The following AMZ2 variants were observed in gnomAD, a reference collection of about 807,000 sequenced individuals.
AMZ2 encodes archaemetzincin-2.
Under a neutral mutation model 36.7 loss-of-function variants are expected in AMZ2, and 26 were observed. The observed-to-expected ratio is 0.71, with a 90% CI of 0.52 to 0.98. The LOEUF is 0.98. AMZ2 is among the 50% of genes least tolerant of loss of function. AMZ2 has a pLI of 0.00. For synonymous variants in AMZ2, 144 were observed against 149.1 expected (o/e 0.97, Z 0.25); for missense variants, 394 against 430.5 (o/e 0.92, Z 0.75).
chr17:68,208,699 C>G (rs2072921365), intron 1 of AMZ2, among the ~76,000 whole-genome samples: 1 of 152,208 alleles, frequency 6.6e-6, no homozygotes, highest in African/African-American at 2.4e-5. Flanking sequence ...TGGGTCCACA[C>G]TGCCTTTACG....
rs61007874 is a variant in AMZ2, at chr17:68,235,343, A to G, written c.-66-13297A>G. Among the ~76,000 whole-genome samples, 9,144 of 152,264 alleles carry G rather than the reference A, an allele frequency of 0.06. 485 individuals are homozygous for G. The highest frequency in any genetic ancestry group is 0.13 in the Admixed American group (2,023 of 15,300). ...AAGGAGCTGTTCCCATGTCTTATTT[A>G]ATTCTCTCATTAAGCCTGTGGGCCA... On this transcript the variant is annotated intron_variant, in intron 1 of 7. Coordinates refer to the AMZ2 transcript ENST00000674770. This position sits in a 1 kb window ranked among gnomAD's most constrained non-coding sequence, Gnocchi z 4.2.
chr17:68,211,772 ATATG>A (rs1171978964), intron 1 of AMZ2, among the ~76,000 whole-genome samples: 5 of 123,964 alleles, frequency 4.0e-5, no homozygotes, highest in Non-Finnish European at 7.8e-5. Context: ...ATATATGTGT[ATATG>A]TATATATGTA....
chr17:68,223,753 T>G (rs1428065520), intron 1 of AMZ2, among the ~76,000 whole-genome samples: 1 of 151,958 alleles, frequency 6.6e-6, no homozygotes, highest in Non-Finnish European at 1.5e-5. Context: ...TCACGCTCTG[T>G]CACCCAGGCT....
chr17:68,231,224 C>T (rs1237550852), intron 1 of AMZ2, among the ~76,000 whole-genome samples: 2 of 151,912 alleles, frequency 1.3e-5, no homozygotes, highest in African/African-American at 2.4e-5. Flanking sequence ...CCACCACGCT[C>T]GGCTAATTTT....
chr17:68,222,938 G>C (rs529616206), intron 1 of AMZ2, among the ~76,000 whole-genome samples: 1 of 152,140 alleles, frequency 6.6e-6, no homozygotes, highest in East Asian at 1.9e-4. Context: ...TGACTTCCTA[G>C]AGTCAGGAGA....
At chr17:68,253,214 C>T (rs557982403) in intron 4 of AMZ2, among the ~76,000 whole-genome samples, 1 of 152,314 alleles carries the variant, frequency 6.6e-6, no homozygotes, top group South Asian at 2.1e-4. Context: ...TTAGTGTGCT[C>T]TTAATTTCCA....
In AMZ2 at chr17:68,250,896, C is replaced by T; in HGVS notation, c.386C>T (p.Pro129Leu). Residue 129 changes from proline (P) to leucine (L), a missense_variant, in exon 3 of 7, where the codon CCA becomes CTA. Coordinates refer to ENST00000359904, the MANE Select transcript of AMZ2 (RefSeq NM_016627.5). ...GGCTTGAGAGTAAAACTCCTAGAAC[C>T]AGTTCCTGTTTCTGTAACAAGATGT... is the stretch of plus-strand genomic sequence containing the variant. ...FYGLRVKLLE[P>L]VPVSVTRCSF... 6.2e-7 allele frequency: 1 copy of T among 1,610,726 alleles called. No individual in the cohort carries two copies. The highest frequency in any genetic ancestry group is 8.5e-7 in the Non-Finnish European group (1 of 1,179,282).
At chr17:68,246,195 C>CAAAAAAAA (rs57477453), upstream of AMZ2, among the ~76,000 whole-genome samples, 1,876 of 83,398 alleles carry the variant, frequency 0.022, 32 homozygotes, top group Admixed American at 0.06. Context: ...ACTAAAAATA[C>CAAAAAAAA]AAAAAAAAAA....
At chr17:68,227,209 C>A (rs1453532918) in intron 1 of AMZ2, among the ~76,000 whole-genome samples, 2 of 152,276 alleles carry the variant, frequency 1.3e-5, no homozygotes, top group African/African-American at 4.8e-5. Flanking sequence ...CAGACCTGCT[C>A]CGTGACCTCG....
Position 68,250,831 on chromosome 17 carries a change from T to C in AMZ2, c.321T>C (p.Tyr107=), listed in dbSNP as rs782319149. Residue 107 remains tyrosine (Y), a synonymous_variant, in exon 3 of 7, where the codon TAT becomes TAC. Coordinates refer to ENST00000359904, the MANE Select transcript of AMZ2 (RefSeq NM_016627.5). ...ACACCAGAATTATCAGTGAAGAATA[T>C]ATTAAATGGCTCACGGGCTACTGTA... ...LGNTRIISEE[Y]IKWLTGYCKA... 8.8e-6 allele frequency: 14 copies of C among 1,594,952 alleles called. No individual in the cohort carries two copies. The Admixed American group carries it at 1.7e-4, about 19-fold the overall frequency.
rs781970715 is a variant in AMZ2, at chr17:68,255,885, G to A, written c.927+9G>A. ...TTGTAGAAAGATACAAAGTAAGTTG[G>A]GGGGTGGACAGTCTAAAGAGGGGGA... On this transcript the variant is annotated intron_variant, in intron 6 of 6. Coordinates refer to ENST00000359904, the MANE Select transcript of AMZ2 (RefSeq NM_016627.5). The A allele has an allele frequency of 6.2e-7, 1 of 1,613,722 alleles. No individual in the cohort carries two copies. Among genetic ancestry groups the A allele is most frequent in the Non-Finnish European group, 8.5e-7 (1 of 1,179,758 alleles).
At chr17:68,243,587 A>G (rs1555734544), upstream of AMZ2, among the ~76,000 whole-genome samples, 4 of 152,228 alleles carry the variant, frequency 2.6e-5, no homozygotes, top group African/African-American at 9.6e-5. Context: ...TATTTTGGTG[A>G]CTATCCTTAA....
intron 1 of AMZ2, among the ~76,000 whole-genome samples, chr17:68,209,583 T>TGG (rs782359235): frequency 7.2e-4 from 80 of 110,548 alleles, no homozygotes; most frequent in Non-Finnish European, 1.2e-3. Flanking sequence ...TAATTGTGGG[T>TGG]GTGTGTGTGT....
chr17:68,245,671 T>A (rs1422364150), upstream of AMZ2, among the ~76,000 whole-genome samples: 1 of 152,234 alleles, frequency 6.6e-6, no homozygotes, highest in African/African-American at 2.4e-5. Flanking sequence ...AATGAAGTTC[T>A]TTTTAATGAA....
chr17:68,250,704 G>A (rs1878975646), intron 2 of AMZ2, 90 bp from the exon 3 acceptor site: 2 of 1,318,948 alleles, frequency 1.5e-6, no homozygotes, highest in East Asian at 2.4e-5. Context: ...AGTTGGTTTT[G>A]TTTCTAATTT....
intron 1 of AMZ2, among the ~76,000 whole-genome samples, chr17:68,220,229 A>G (rs1237392135): frequency 6.6e-6 from 1 of 152,230 alleles, no homozygotes; most frequent in Non-Finnish European, 1.5e-5. Flanking sequence ...TAAATTTTCT[A>G]CAAAGAGCAT....
intron 5 of AMZ2, 22 bp from the exon 6 acceptor site, chr17:68,255,678 C>A: frequency 1.2e-6 from 2 of 1,607,922 alleles, no homozygotes; most frequent in Non-Finnish European, 1.7e-6. Flanking sequence ...TCTTATAAAG[C>A]CTCAACATGA....
At chr17:68,211,252 C>T (rs1197230029) in intron 1 of AMZ2, among the ~76,000 whole-genome samples, 4 of 152,042 alleles carry the variant, frequency 2.6e-5, no homozygotes, top group African/African-American at 9.7e-5. Flanking sequence ...CCTGTAATCC[C>T]AGCGCTTTGG....
At chr17:68,208,516 A>T (rs2072914908) in intron 1 of AMZ2, among the ~76,000 whole-genome samples, 1 of 152,166 alleles carries the variant, frequency 6.6e-6, no homozygotes, top group African/African-American at 2.4e-5. Flanking sequence ...CTGTCAAAAG[A>T]GACCACTCGG....
Sources: allele counts gnomAD v4.1 joint callset (sites outside exome capture counted in the v4.1 genomes callset), GRCh38; gene constraint gnomAD v4.1.1; non-coding constraint Gnocchi (gnomAD v3.1); transcripts MANE v1.5; gene names NCBI Gene and HGNC (gene_info 2026-07-23, HGNC 2026-07-21).